The following ATP9B variants were observed in gnomAD, a reference collection of about 807,000 sequenced individuals.
ATP9B encodes the protein probable phospholipid-transporting ATPase IIB.
A neutral mutation model predicts 146.1 loss-of-function variants in ATP9B; 110 were observed. The ratio of observed to expected loss-of-function variants is 0.75; its 90% CI spans 0.65 to 0.88. ATP9B has a LOEUF of 0.88. Ranked by LOEUF, ATP9B falls within the 40% of genes least tolerant of loss-of-function variation. ATP9B has a pLI of 0.00. For missense variants in ATP9B, 1,499 were observed against 1,496.4 expected (o/e 1.00, Z -0.03); for synonymous variants, 604 against 569.7 (o/e 1.06, Z -0.86).
At chr18:79,202,397 A>G (rs2095497108) in intron 9 of ATP9B, among the ~76,000 whole-genome samples, 2 of 152,256 alleles carry the variant, frequency 1.3e-5, no homozygotes, top group Middle Eastern at 3.4e-3. Context: ...TTGAGAATGT[A>G]TTTTCTGCTG....
At chr18:79,313,063 G>A (rs575744402) in intron 15 of ATP9B, among the ~76,000 whole-genome samples, 6 of 152,296 alleles carry the variant, frequency 3.9e-5, no homozygotes, top group African/African-American at 1.2e-4. Flanking sequence ...CAGTGGGCAC[G>A]ATTGTTAAGC....
chr18:79,154,636 T>A, intron 7 of ATP9B, 81 bp downstream of exon 7: 4 of 912,526 alleles, frequency 4.4e-6, no homozygotes, highest in Non-Finnish European at 6.4e-6. Flanking sequence ...AAGGAAAAAC[T>A]GTTTTCCTTA....
In ATP9B at chr18:79,176,904, G is replaced by T. The variant is rs201854663; in HGVS notation, c.870G>T (p.Leu290=). The T allele has an allele frequency of 1.9e-6, 3 of 1,613,526 alleles. No individual in the cohort carries two copies. In the South Asian group the frequency reaches 3.3e-5, roughly 18 times the overall value. ...AVSCTQQLPA[L]GDLFSISAYV... ...GCTGCACGCAACAGCTGCCGGCTCT[G>T]GGGGTGAGCAGCACCAAGACTACTC... is the stretch of plus-strand genomic sequence containing the variant. The change falls in exon 8 of 30, where the codon CTG becomes CTT. Residue 290 remains leucine (L), a synonymous_variant. Transcript: ENST00000426216.
At chr18:79,243,281 TG>T (rs1599213920) in intron 11 of ATP9B, among the ~76,000 whole-genome samples, 1 of 152,240 alleles carries the variant, frequency 6.6e-6, no homozygotes, top group Non-Finnish European at 1.5e-5. Context: ...TATATCCTCA[TG>T]TTTTTAATAT....
intron 23 of ATP9B, among the ~76,000 whole-genome samples, chr18:79,347,164 G>A (rs967222318): frequency 3.3e-5 from 5 of 152,158 alleles, no homozygotes; most frequent in African/African-American, 4.8e-5. Context: ...TTCATCTTCC[G>A]TGCCAGCTTT....
intron 4 of ATP9B, among the ~76,000 whole-genome samples, chr18:79,121,363 C>G (rs2094186203): frequency 1.3e-5 from 2 of 152,136 alleles, no homozygotes; most frequent in Admixed American, 1.3e-4. Flanking sequence ...TTAAATGGCC[C>G]TTCTTGCTTC....
intron 12 of ATP9B, among the ~76,000 whole-genome samples, chr18:79,255,816 A>G (rs1268929748): frequency 6.6e-6 from 1 of 152,156 alleles, no homozygotes; most frequent in Non-Finnish European, 1.5e-5. Context: ...AGGGTGGTGT[A>G]TTTTTCTCCT....
intron 7 of ATP9B, among the ~76,000 whole-genome samples, chr18:79,170,047 G>T (rs2095045745): frequency 6.6e-6 from 1 of 152,162 alleles, no homozygotes; most frequent in Admixed American, 6.5e-5. Context: ...TTTTGCTGCG[G>T]TGATCACTTG....
In ATP9B at chr18:79,356,856, C is replaced by T. The variant is rs2941909; in HGVS notation, c.2904-2498C>T. On this transcript the variant is annotated intron_variant, in intron 25 of 29. Coordinates refer to ENST00000426216, the MANE Select transcript of ATP9B (RefSeq NM_198531.5). ...GGGATGCTCTGGGTCTGGAGGTGTC[C>T]GTGTGAGGGACCCTGTGTGAGGGAT... 2.2e-3 allele frequency among the ~76,000 whole-genome samples: 68 copies of T among 30,642 alleles called. 4 individuals carry two copies. The highest frequency in any genetic ancestry group is 3.9e-3 in the South Asian group (1 of 258). The allele number at this position is 30,642 out of a possible 152,430, so 20.1% of individuals were successfully genotyped here.
At chr18:79,158,127 A>G (rs2094823341) in intron 7 of ATP9B, among the ~76,000 whole-genome samples, 1 of 152,092 alleles carries the variant, frequency 6.6e-6, no homozygotes, top group Non-Finnish European at 1.5e-5. Flanking sequence ...TTTTTAGTAC[A>G]GGTGTTCATA....
intron 13 of ATP9B, among the ~76,000 whole-genome samples, chr18:79,294,225 T>A (rs2096531114): frequency 6.6e-6 from 1 of 152,210 alleles, no homozygotes; most frequent in Admixed American, 6.5e-5. Flanking sequence ...AATGCCAGAG[T>A]TCTCTTCTCC....
intron 1 of ATP9B, among the ~76,000 whole-genome samples, chr18:79,083,686 C>T (rs929894583): frequency 5.3e-5 from 8 of 152,212 alleles, no homozygotes; most frequent in Non-Finnish European, 1.0e-4. Context: ...CCTTGTGCTT[C>T]CCGGGTGAGG....
intron 2 of ATP9B, among the ~76,000 whole-genome samples, chr18:79,103,261 T>C (rs565038581): frequency 1.7e-4 from 25 of 145,874 alleles, no homozygotes; most frequent in African/African-American, 6.7e-4. Context: ...CAAATAACTA[T>C]TTGTAGTTTT....
intron 2 of ATP9B, among the ~76,000 whole-genome samples, chr18:79,099,969 A>G (rs1211754469): frequency 6.6e-6 from 1 of 152,072 alleles, no homozygotes; most frequent in Non-Finnish European, 1.5e-5. Context: ...TACTAAAAGT[A>G]CAAAAATTAG....
At chr18:79,278,132 C>CT (rs1227949075) in intron 13 of ATP9B, among the ~76,000 whole-genome samples, 1 of 152,192 alleles carries the variant, frequency 6.6e-6, no homozygotes, top group Admixed American at 6.5e-5. Flanking sequence ...AAACAGGTCT[C>CT]TAATACATAG....
intron 1 of ATP9B, among the ~76,000 whole-genome samples, chr18:79,081,172 T>G (rs1000754204): frequency 1.3e-5 from 2 of 152,222 alleles, no homozygotes; most frequent in Non-Finnish European, 2.9e-5. Context: ...TTCTGTTGTT[T>G]GGAATAGTTT....
At chr18:79,234,522 G>A (rs545787246) in intron 11 of ATP9B, among the ~76,000 whole-genome samples, 6 of 152,276 alleles carry the variant, frequency 3.9e-5, no homozygotes, top group East Asian at 1.9e-4. Context: ...GGACATCCAC[G>A]GCCAGCTCCG....
intron 12 of ATP9B, among the ~76,000 whole-genome samples, chr18:79,267,428 C>T (rs1351487423): frequency 6.6e-6 from 1 of 151,912 alleles, no homozygotes; most frequent in East Asian, 1.9e-4. Flanking sequence ...TGTTTTCTTA[C>T]TTATCTATTT....
intron 13 of ATP9B, among the ~76,000 whole-genome samples, chr18:79,290,038 C>T (rs1568588197): frequency 6.6e-6 from 1 of 152,118 alleles, no homozygotes; most frequent in Non-Finnish European, 1.5e-5. Flanking sequence ...GGGGTGCCTC[C>T]CAGTTAGGCT....
Sources: allele counts gnomAD v4.1 joint callset (sites outside exome capture counted in the v4.1 genomes callset), GRCh38; gene constraint gnomAD v4.1.1; transcripts MANE v1.5; gene names NCBI Gene and HGNC (gene_info 2026-07-23, HGNC 2026-07-21).